ZFHX3: variants seen among roughly 807,000 people sequenced by gnomAD.
ZFHX3 encodes the protein zinc finger homeobox protein 3.
In ZFHX3, 42 loss-of-function variants were observed where a neutral mutation model predicts 279.1. That is an observed-to-expected ratio of 0.15 (90% confidence interval 0.12 to 0.19). The LOEUF (loss-of-function observed/expected upper bound fraction) is 0.19. ZFHX3 is among the 10% of genes least tolerant of loss of function. The pLI is 1.00. For synonymous variants in ZFHX3, 2,293 were observed against 1,957.8 expected, an observed-to-expected ratio of 1.17 and a Z score of -4.52; for missense variants, 4,981 against 4,754.0, an observed-to-expected ratio of 1.05 and a Z score of -1.40.
chr16:72,813,638 T>C (rs1181032479), intron 5 of ZFHX3, among the ~76,000 whole-genome samples: 1 of 152,142 alleles, frequency 6.6e-6, no homozygotes, highest in East Asian at 1.9e-4. Flanking sequence ...CAGATCCTCC[T>C]CCTCCCAACA....
chr16:72,873,267 G>T (rs1440253179), intron 4 of ZFHX3, among the ~76,000 whole-genome samples: 1 of 152,186 alleles, frequency 6.6e-6, no homozygotes, highest in Non-Finnish European at 1.5e-5. Flanking sequence ...CAGCTGCAAA[G>T]CTCAACATGC....
intron 4 of ZFHX3, among the ~76,000 whole-genome samples, chr16:73,311,792 G>A (rs534469566): frequency 2.0e-5 from 3 of 152,172 alleles, no homozygotes; most frequent in South Asian, 2.1e-4. Context: ...TTAACAAGAC[G>A]AAATATAATT....
Position 73,673,747 on chromosome 16 carries a change from G to C in ZFHX3, c.-1547+6433C>G, listed in dbSNP as rs796129839. 1.4e-4 allele frequency among the ~76,000 whole-genome samples: 21 copies of C among 152,336 alleles called. 1 individual carries two copies. The highest frequency in any genetic ancestry group is 5.0e-4 in the African/African-American group (21 of 41,586). On this transcript the variant is annotated intron_variant, in intron 2 of 17. Transcript: ENST00000641206. ...TGAGCTGGACTTGGGGCAGAACAGG[G>C]ATAACAGCAGGGCAGGCTGGAACCT...
intron 1 of ZFHX3, among the ~76,000 whole-genome samples, chr16:73,844,684 C>G (rs1961399658): frequency 6.6e-6 from 1 of 151,628 alleles, no homozygotes; most frequent in Non-Finnish European, 1.5e-5. Flanking sequence ...ACATGATTGA[C>G]AGACGATAGA....
intron 1 of ZFHX3, among the ~76,000 whole-genome samples, chr16:73,850,250 G>T (rs1424108414): frequency 6.6e-6 from 1 of 152,180 alleles, no homozygotes; most frequent in Non-Finnish European, 1.5e-5. Flanking sequence ...ATGCTGTTGG[G>T]CAGGTTGGTT....
chr16:73,320,479 T>G (rs11647052), intron 3 of ZFHX3, among the ~76,000 whole-genome samples: 2 of 152,002 alleles, frequency 1.3e-5, no homozygotes, highest in Non-Finnish European at 1.5e-5. Context: ...ATCTCACATT[T>G]GAGCTAGTGG....
chr16:72,912,384 G>T (rs2039340856), intron 3 of ZFHX3, among the ~76,000 whole-genome samples: 1 of 152,224 alleles, frequency 6.6e-6, no homozygotes, highest in Non-Finnish European at 1.5e-5. Context: ...ACCTGGGTGG[G>T]TTGGAGGTAT....
intron 2 of ZFHX3, among the ~76,000 whole-genome samples, chr16:73,641,399 C>A (rs1026222999): frequency 6.6e-6 from 1 of 152,090 alleles, no homozygotes; most frequent in African/African-American, 2.4e-5. Context: ...TGGAGACATG[C>A]GGCCCCCTGA....
chr16:73,667,843 C>T (rs955657658), intron 2 of ZFHX3, among the ~76,000 whole-genome samples: 2 of 152,184 alleles, frequency 1.3e-5, no homozygotes, highest in Non-Finnish European at 2.9e-5. Flanking sequence ...TTGACTTGCA[C>T]CATCTCATCT....
At chr16:72,935,080 T>C (rs1219138116) in intron 3 of ZFHX3, among the ~76,000 whole-genome samples, 1 of 152,246 alleles carries the variant, frequency 6.6e-6, no homozygotes, top group Non-Finnish European at 1.5e-5. Flanking sequence ...TCTAGCTATA[T>C]GTATGTGCTG....
intron 2 of ZFHX3, among the ~76,000 whole-genome samples, chr16:73,563,826 A>T (rs555104412): frequency 7.0e-4 from 106 of 152,324 alleles, no homozygotes; most frequent in African/African-American, 2.4e-3. Flanking sequence ...AAAAAATTTT[A>T]AAGTATAGAC....
chr16:73,248,167 G>T (rs890684544), intron 5 of ZFHX3, among the ~76,000 whole-genome samples: 1 of 151,692 alleles, frequency 6.6e-6, no homozygotes, highest in Admixed American at 6.6e-5. Flanking sequence ...GCCTGTATGT[G>T]GAGTGTGTGT....
chr16:73,837,578 C>T (rs920503085), intron 1 of ZFHX3, among the ~76,000 whole-genome samples: 52 of 152,200 alleles, frequency 3.4e-4, no homozygotes, highest in Non-Finnish European at 1.3e-4. Flanking sequence ...TGGAAGCACA[C>T]ACACACTGGC....
intron 1 of ZFHX3, among the ~76,000 whole-genome samples, chr16:72,975,871 C>T (rs371796668): frequency 1.4e-3 from 206 of 152,274 alleles, no homozygotes; most frequent in African/African-American, 4.6e-3. Context: ...ACCAAGGCCA[C>T]GTTAAATAGT....
intron 2 of ZFHX3, among the ~76,000 whole-genome samples, chr16:73,560,875 TA>T (rs1165701280): frequency 1.3e-5 from 2 of 152,196 alleles, no homozygotes; most frequent in Non-Finnish European, 2.9e-5. Flanking sequence ...TAGGAGGTGG[TA>T]TTCTGTTCCT....
At chr16:73,439,412 C>T (rs190034437) in intron 3 of ZFHX3, among the ~76,000 whole-genome samples, 14 of 152,032 alleles carry the variant, frequency 9.2e-5, no homozygotes, top group Admixed American at 3.9e-4. Flanking sequence ...AGATGAAGTG[C>T]GCGTTTAGGA....
chr16:73,886,211 A>T (rs1042853815), intron 1 of ZFHX3, among the ~76,000 whole-genome samples: 1 of 152,198 alleles, frequency 6.6e-6, no homozygotes, highest in Admixed American at 6.5e-5. Context: ...TTTTTAAAAA[A>T]TAAAATGCAT....
intron 3 of ZFHX3, among the ~76,000 whole-genome samples, chr16:72,931,939 G>A (rs1164801593): frequency 6.6e-6 from 1 of 152,174 alleles, no homozygotes; most frequent in Non-Finnish European, 1.5e-5. Context: ...ATACAAACAC[G>A]AACCATAACA....
intron 1 of ZFHX3, among the ~76,000 whole-genome samples, chr16:73,721,224 C>T (rs1168409345): frequency 6.6e-5 from 10 of 152,116 alleles, no homozygotes; most frequent in African/African-American, 2.2e-4. Context: ...CGGGTTCAAG[C>T]GATTGTCCTG....
Sources: gnomAD v4.1 joint callset for allele counts (sites outside exome capture counted in the v4.1 genomes callset) on GRCh38, gnomAD v4.1.1 for gene constraint, MANE v1.5 for transcripts, NCBI Gene and HGNC (gene_info 2026-07-23, HGNC 2026-07-21) for gene names.